Variants in ASTN2 observed in about 807,000 individuals in gnomAD.
ASTN2 encodes the protein astrotactin 2.
A neutral mutation model predicts 139.8 loss-of-function variants in ASTN2; 54 were observed. The ratio of observed to expected loss-of-function variants is 0.39; its 90% CI spans 0.31 to 0.48. ASTN2 has a LOEUF of 0.48. Ranked by LOEUF, ASTN2 falls within the 20% of genes least tolerant of loss-of-function variation. ASTN2 has a pLI of 0.95. For missense variants in ASTN2, 1,565 were observed against 1,725.1 expected, an observed-to-expected ratio of 0.91 and a Z score of 1.64; for synonymous variants, 756 against 719.5, an observed-to-expected ratio of 1.05 and a Z score of -0.81.
intron 2 of ASTN2, among the ~76,000 whole-genome samples, chr9:117,277,784 C>A (rs577117679): frequency 2.0e-5 from 3 of 152,180 alleles, no homozygotes; most frequent in Non-Finnish European, 4.4e-5. Flanking sequence ...CCTAGGTGAT[C>A]TGGGTAAACT....
intron 1 of ASTN2, among the ~76,000 whole-genome samples, chr9:117,359,730 TTAAC>T (rs1829642531): frequency 6.6e-6 from 1 of 152,100 alleles, no homozygotes; most frequent in East Asian, 1.9e-4. Context: ...ATTGAGGTCT[TTAAC>T]TATCAGAGAC....
chr9:116,839,725 C>T (rs898271501), intron 11 of ASTN2, among the ~76,000 whole-genome samples: 5 of 151,784 alleles, frequency 3.3e-5, no homozygotes, highest in African/African-American at 1.2e-4. Context: ...AGCTGGACTG[C>T]AGTGGCGTGA....
At chr9:117,254,383 G>A (rs1053164977) in intron 2 of ASTN2, among the ~76,000 whole-genome samples, 11 of 152,026 alleles carry the variant, frequency 7.2e-5, no homozygotes, top group African/African-American at 2.7e-4. Context: ...TTCAACATAC[G>A]TTTCATCTAC....
intron 11 of ASTN2, among the ~76,000 whole-genome samples, chr9:116,830,470 T>C (rs941493438): frequency 6.6e-6 from 1 of 151,952 alleles, no homozygotes; most frequent in Non-Finnish European, 1.5e-5. Context: ...ATCCCACTAT[T>C]GGGTATAAAC....
chr9:116,608,891 A>C (rs36051061), intron 19 of ASTN2, among the ~76,000 whole-genome samples: 13,547 of 152,186 alleles, frequency 0.089, 625 homozygotes, highest in East Asian at 0.14. Context: ...AAAATTAAGA[A>C]ATAGAATATA....
At chr9:117,314,875 T>C (rs1828091796) in intron 1 of ASTN2, among the ~76,000 whole-genome samples, 1 of 146,274 alleles carries the variant, frequency 6.8e-6, no homozygotes, top group African/African-American at 2.5e-5. Context: ...TAAATATATA[T>C]GTACAACTAT....
At chr9:116,775,282 A>C (rs975443538) in intron 13 of ASTN2, among the ~76,000 whole-genome samples, 2 of 151,896 alleles carry the variant, frequency 1.3e-5, no homozygotes, top group Admixed American at 1.3e-4. Context: ...AAAAAAAATC[A>C]ATGAAATTAA....
rs1860976225 is a variant in ASTN2 at position 116,698,191 on chromosome 9, G to A, written c.2806+27580C>T. On this transcript the variant is annotated intron_variant, in intron 16 of 22. Coordinates refer to ENST00000313400, the MANE Select transcript of ASTN2 (RefSeq NM_001365068.1). The surrounding 1 kb of genome is among the most constrained non-coding windows in gnomAD (Gnocchi z 4.4). ...GCTGAGGAGCGGCGTCGGGACTTTG[G>A]AGAGAAGTTAACTCGTCTGCGGGAA... is the stretch of plus-strand genomic sequence containing the variant. 1.2e-6 allele frequency: 2 copies of A among 1,614,170 alleles called. No homozygotes were observed. The highest frequency in any genetic ancestry group is 1.1e-5 in the South Asian group (1 of 91,084).
intron 19 of ASTN2, among the ~76,000 whole-genome samples, chr9:116,576,417 A>C (rs1853723855): frequency 6.6e-6 from 1 of 152,258 alleles, no homozygotes; most frequent in Non-Finnish European, 1.5e-5. Flanking sequence ...ATGTTCTACC[A>C]CCCAAGCCCA....
At chr9:116,460,628 T>C (rs1848457930) in intron 20 of ASTN2, among the ~76,000 whole-genome samples, 1 of 152,186 alleles carries the variant, frequency 6.6e-6, no homozygotes, top group South Asian at 2.1e-4. Context: ...TGAATAGCTA[T>C]GGCTTTTTAA....
intron 3 of ASTN2, among the ~76,000 whole-genome samples, chr9:117,189,046 G>A (rs1359790324): frequency 6.6e-6 from 1 of 152,096 alleles, no homozygotes; most frequent in South Asian, 2.1e-4. Flanking sequence ...GTGGGTAGAA[G>A]GTCCTGTCTG....
rs1388643518 is a variant in ASTN2, at chr9:116,698,255, A to C, written c.2806+27516T>G. The C allele has an allele frequency of 6.2e-7, 1 of 1,614,126 alleles. No homozygotes were observed. Among genetic ancestry groups the C allele is most frequent in the Non-Finnish European group, 8.5e-7 (1 of 1,180,020 alleles). On this transcript the variant is annotated intron_variant, in intron 16 of 22. Coordinates refer to ENST00000313400, the MANE Select transcript of ASTN2 (RefSeq NM_001365068.1). This position sits in a 1 kb window ranked among gnomAD's most constrained non-coding sequence, Gnocchi z 4.4. ...TGCAGCGGCGGAAGGCAGCCTTGGA[A>C]GGTGTCTCCAAGGACCTTCAGGCAA... is the stretch of plus-strand genomic sequence containing the variant.
intron 13 of ASTN2, among the ~76,000 whole-genome samples, chr9:116,802,345 C>CA (rs909962160): frequency 2.0e-5 from 3 of 152,114 alleles, no homozygotes; most frequent in African/African-American, 7.2e-5. Context: ...CTCAGCCTCC[C>CA]AAAGTGCTGG....
chr9:116,743,885 T>C (rs1829164082), intron 13 of ASTN2, among the ~76,000 whole-genome samples: 1 of 152,214 alleles, frequency 6.6e-6, no homozygotes, highest in South Asian at 2.1e-4. Flanking sequence ...ACAGTGTTTT[T>C]GTATACTGAG....
intron 1 of ASTN2, among the ~76,000 whole-genome samples, chr9:117,294,344 T>C (rs1439366104): frequency 6.6e-6 from 1 of 152,228 alleles, no homozygotes; most frequent in African/African-American, 2.4e-5. Context: ...TGAAACACAG[T>C]AAATATTGAA....
chr9:116,806,280 C>G (rs1204063088), intron 12 of ASTN2, among the ~76,000 whole-genome samples: 1 of 152,190 alleles, frequency 6.6e-6, no homozygotes, highest in Non-Finnish European at 1.5e-5. Context: ...ATGGACAGCA[C>G]AAGGCTTCTG....
intron 3 of ASTN2, among the ~76,000 whole-genome samples, chr9:117,187,208 G>A (rs1368238810): frequency 6.6e-6 from 1 of 152,094 alleles, no homozygotes; most frequent in Non-Finnish European, 1.5e-5. Flanking sequence ...TATGTACATT[G>A]TTTTATTTTT....
At chr9:117,092,193 C>T (rs10983514) in intron 5 of ASTN2, among the ~76,000 whole-genome samples, 16,084 of 152,202 alleles carry the variant, frequency 0.11, 1,049 homozygotes, top group East Asian at 0.21. Context: ...AGCCCTCCCA[C>T]ATTTAGCTGC....
chr9:116,924,866 G>A (rs1182024974), intron 10 of ASTN2, among the ~76,000 whole-genome samples: 9 of 152,070 alleles, frequency 5.9e-5, no homozygotes, highest in East Asian at 3.9e-4. Flanking sequence ...GACTAAGAAC[G>A]CCTTAACCTT....
Sources: gnomAD v4.1 joint callset for allele counts (sites outside exome capture counted in the v4.1 genomes callset) on GRCh38, gnomAD v4.1.1 for gene constraint, Gnocchi (gnomAD v3.1) non-coding constraint, MANE v1.5 for transcripts, NCBI Gene and HGNC (gene_info 2026-07-23, HGNC 2026-07-21) for gene names.